Variants in DGKB observed in about 807,000 individuals in gnomAD.
The protein encoded by DGKB is diacylglycerol kinase beta.
A neutral mutation model predicts 114.3 loss-of-function variants in DGKB; 67 were observed. The ratio of observed to expected loss-of-function variants is 0.59; its 90% CI spans 0.48 to 0.72. The LOEUF is 0.72. Among genes scored for constraint, DGKB ranks in the 30% least tolerant of loss-of-function variants. The probability of loss-of-function intolerance (pLI) is 0.00; values close to 1 mark genes in which losing one functional copy is unlikely to be tolerated. For missense variants in DGKB, 907 were observed against 975.2 expected, an observed-to-expected ratio of 0.93 and a Z score of 0.93; for synonymous variants, 398 against 323.1, an observed-to-expected ratio of 1.23 and a Z score of -2.49.
intron 13 of DGKB, among the ~76,000 whole-genome samples, chr7:14,660,990 T>A (rs868666063): frequency 2.0e-5 from 3 of 148,584 alleles, no homozygotes; most frequent in Admixed American, 1.4e-4. Context: ...CTGGGAAAAC[T>A]GGCTAGCCAT....
At chr7:14,914,712 A>C (rs1378461913) in intron 1 of DGKB, among the ~76,000 whole-genome samples, 2 of 152,192 alleles carry the variant, frequency 1.3e-5, no homozygotes, top group African/African-American at 4.8e-5. Context: ...TAAATAGGGA[A>C]TTTAAAATAA....
At chr7:14,887,633 G>A (rs1429165840) in intron 1 of DGKB, among the ~76,000 whole-genome samples, 4 of 151,676 alleles carry the variant, frequency 2.6e-5, no homozygotes, top group Non-Finnish European at 5.9e-5. Context: ...GTCGATAGAG[G>A]AATGGAACAC....
chr7:14,625,163 A>G lies in DGKB; in HGVS notation c.1168-3669T>C, dbSNP rs115893641. On this transcript the variant is annotated intron_variant, in intron 14 of 25. Coordinates refer to ENST00000402815, the MANE Select transcript of DGKB (RefSeq NM_001350709.2). The stretch of plus-strand genomic sequence containing the variant: ...ATCTGTCTGTGTATTTTATTATAGT[A>G]TCTAATACTAAAATGGTAAGCATTC... 7.8e-3 allele frequency among the ~76,000 whole-genome samples: 1,193 copies of G among 152,262 alleles called. 17 individuals carry two copies. The highest frequency in any genetic ancestry group is 0.028 in the African/African-American group (1,152 of 41,548).
At chr7:14,347,763 GAAATTA>G (rs1298388511) in intron 21 of DGKB, among the ~76,000 whole-genome samples, 1 of 151,882 alleles carries the variant, frequency 6.6e-6, no homozygotes, top group Non-Finnish European at 1.5e-5. Context: ...TTATATATTT[GAAATTA>G]ACTAGAGTAG....
intron 23 of DGKB, among the ~76,000 whole-genome samples, chr7:14,235,134 C>G (rs1792563795): frequency 1.3e-5 from 2 of 152,064 alleles, no homozygotes; most frequent in African/African-American, 4.8e-5. Context: ...GGTAAACAAA[C>G]CCCTCCTCTT....
chr7:14,497,052 T>C (rs1243038654), intron 20 of DGKB, among the ~76,000 whole-genome samples: 1 of 151,828 alleles, frequency 6.6e-6, no homozygotes, highest in African/African-American at 2.4e-5. Flanking sequence ...TGGATGGAAC[T>C]GCAGGCCACT....
chr7:14,606,095 C>G (rs79949540), intron 17 of DGKB, among the ~76,000 whole-genome samples: 10,697 of 152,104 alleles, frequency 0.07, 555 homozygotes, highest in Non-Finnish European at 0.095. Flanking sequence ...TGCACAATAT[C>G]CTAATTCAAA....
intron 20 of DGKB, among the ~76,000 whole-genome samples, chr7:14,557,820 C>A (rs1179207577): frequency 6.6e-6 from 1 of 151,520 alleles, no homozygotes; most frequent in African/African-American, 2.4e-5. Flanking sequence ...ATTTCATTGT[C>A]ATCAAGGAAA....
At chr7:14,301,120 T>G (rs764233473) in intron 23 of DGKB, among the ~76,000 whole-genome samples, 1 of 152,174 alleles carries the variant, frequency 6.6e-6, no homozygotes, top group Non-Finnish European at 1.5e-5. Context: ...TTTCTGAAGT[T>G]TATCTGTTTG....
At chr7:14,716,040 T>C (rs1828126513) in intron 6 of DGKB, among the ~76,000 whole-genome samples, 1 of 152,318 alleles carries the variant, frequency 6.6e-6, no homozygotes, top group African/African-American at 2.4e-5. Context: ...AACAAAGTAT[T>C]ACTTATATAA....
At chr7:14,229,247 TCAA>T (rs1258076793) in intron 23 of DGKB, among the ~76,000 whole-genome samples, 3 of 151,994 alleles carry the variant, frequency 2.0e-5, no homozygotes, top group Admixed American at 6.6e-5. Flanking sequence ...AATGCATTGC[TCAA>T]CAACAGGGAT....
At chr7:14,813,150 T>A (rs1843658826) in intron 2 of DGKB, among the ~76,000 whole-genome samples, 1 of 152,210 alleles carries the variant, frequency 6.6e-6, no homozygotes, top group South Asian at 2.1e-4. Flanking sequence ...ATTTTATTAA[T>A]AACCAGAACT....
chr7:14,870,575 A>T (rs1409860185), intron 1 of DGKB, among the ~76,000 whole-genome samples: 1 of 152,196 alleles, frequency 6.6e-6, no homozygotes, highest in Non-Finnish European at 1.5e-5. Context: ...AGGAGGGCAG[A>T]TCGCGACATC....
At chr7:14,576,458 TC>T (rs1799131686) in intron 19 of DGKB, among the ~76,000 whole-genome samples, 1 of 151,892 alleles carries the variant, frequency 6.6e-6, no homozygotes, top group African/African-American at 2.4e-5. Context: ...TTAAATATAT[TC>T]ATCTATTTTC....
intron 1 of DGKB, among the ~76,000 whole-genome samples, chr7:14,916,182 T>C (rs746446662): frequency 2.0e-5 from 3 of 151,886 alleles, no homozygotes; most frequent in Non-Finnish European, 4.4e-5. Flanking sequence ...AGATAACCCC[T>C]AACATTTTTG....
chr7:14,166,776 C>T (rs1330187307), intron 25 of DGKB, among the ~76,000 whole-genome samples: 1 of 152,118 alleles, frequency 6.6e-6, no homozygotes, highest in African/African-American at 2.4e-5. Context: ...CTTGCACCTC[C>T]TGGCCTGGAC....
At chr7:14,914,257 G>A (rs1432898911) in intron 1 of DGKB, among the ~76,000 whole-genome samples, 1 of 152,118 alleles carries the variant, frequency 6.6e-6, no homozygotes, top group East Asian at 1.9e-4. Flanking sequence ...AAGAAAGGCT[G>A]ATATACCCAT....
chr7:14,205,499 T>G (rs1786631320), intron 23 of DGKB, among the ~76,000 whole-genome samples: 1 of 151,984 alleles, frequency 6.6e-6, no homozygotes, highest in Non-Finnish European at 1.5e-5. Flanking sequence ...CAGAATTGTT[T>G]GGCTCATAAC....
chr7:14,520,770 G>C (rs1317630500), intron 20 of DGKB, among the ~76,000 whole-genome samples: 1 of 152,018 alleles, frequency 6.6e-6, no homozygotes, highest in Non-Finnish European at 1.5e-5. Flanking sequence ...TGTTCCACAA[G>C]TGCTTGAACA....
Sources: allele counts gnomAD v4.1 joint callset (sites outside exome capture counted in the v4.1 genomes callset), GRCh38; gene constraint gnomAD v4.1.1; transcripts MANE v1.5; gene names NCBI Gene and HGNC (gene_info 2026-07-23, HGNC 2026-07-21).